WBP1L: variants seen among roughly 807,000 people sequenced by gnomAD.
WBP1L encodes the protein WW domain binding protein 1-like.
A neutral mutation model predicts 33.7 loss-of-function variants in WBP1L; 17 were observed. The observed-to-expected ratio is 0.50, with a 90% CI of 0.34 to 0.76. The LOEUF is 0.76. Among genes scored for constraint, WBP1L ranks in the 30% least tolerant of loss-of-function variants. WBP1L has a pLI of 0.01. For synonymous variants in WBP1L, 173 were observed against 190.8 expected (o/e 0.91, Z 0.77); for missense variants, 389 against 469.4 (o/e 0.83, Z 1.58).
chr10:102,804,867 G>A (rs963870060), intron 2 of WBP1L, among the ~76,000 whole-genome samples: 1 of 152,182 alleles, frequency 6.6e-6, no homozygotes, highest in African/African-American at 2.4e-5. Flanking sequence ...AGGGGGTCAG[G>A]AAGTTCAAGC....
chr10:102,795,545 A>G (rs1423642380), intron 1 of WBP1L, among the ~76,000 whole-genome samples: 1 of 152,234 alleles, frequency 6.6e-6, no homozygotes, highest in Non-Finnish European at 1.5e-5. Context: ...GCAGTAGGTC[A>G]TGAGGATGCC....
chr10:102,756,691 T>C (rs535348047), intron 1 of WBP1L, among the ~76,000 whole-genome samples: 2 of 152,202 alleles, frequency 1.3e-5, no homozygotes, highest in East Asian at 3.9e-4. Flanking sequence ...GATTGTGTGG[T>C]TATAGGGTAT....
intron 1 of WBP1L, among the ~76,000 whole-genome samples, chr10:102,787,815 C>G (rs1226631834): frequency 6.6e-6 from 1 of 151,904 alleles, no homozygotes; most frequent in East Asian, 2.0e-4. Context: ...CGGTGGCTCA[C>G]GCCTGTAATC....
chr10:102,795,283 T>C (rs1240938365), intron 1 of WBP1L, among the ~76,000 whole-genome samples: 1 of 152,250 alleles, frequency 6.6e-6, no homozygotes, highest in East Asian at 1.9e-4. Flanking sequence ...GTAGATTAAC[T>C]GTGTTAAATG....
chr10:102,749,473 T>TA (rs532742515), intron 1 of WBP1L, among the ~76,000 whole-genome samples: 3 of 151,302 alleles, frequency 2.0e-5, no homozygotes, highest in African/African-American at 4.9e-5. Flanking sequence ...TTCTCTCTAA[T>TA]AAAAAAAATT....
chr10:102,776,341 C>T (rs759467315), intron 1 of WBP1L: 83 of 1,613,914 alleles, frequency 5.1e-5, no homozygotes, highest in South Asian at 1.3e-4. Flanking sequence ...AAGACCTTAA[C>T]TTTTAAGAGC....
chr10:102,776,935 C>G (rs1265666804), intron 1 of WBP1L, among the ~76,000 whole-genome samples: 1 of 151,894 alleles, frequency 6.6e-6, no homozygotes, highest in African/African-American at 2.4e-5. Flanking sequence ...GGGACGTTCC[C>G]GACGCCTCAG....
intron 2 of WBP1L, among the ~76,000 whole-genome samples, chr10:102,802,300 C>T (rs1843669241): frequency 6.7e-6 from 1 of 150,176 alleles, no homozygotes; most frequent in African/African-American, 2.5e-5. Flanking sequence ...TGCCACCATG[C>T]CCATCTAATT....
At chr10:102,761,127 T>G (rs1358305282) in intron 1 of WBP1L, among the ~76,000 whole-genome samples, 1 of 146,980 alleles carries the variant, frequency 6.8e-6, no homozygotes, top group African/African-American at 2.5e-5. Flanking sequence ...GGCTGTTTTT[T>G]TTTTTTTTTT....
intron 1 of WBP1L, among the ~76,000 whole-genome samples, chr10:102,789,534 C>A (rs1388989704): frequency 6.6e-6 from 1 of 152,124 alleles, no homozygotes; most frequent in Non-Finnish European, 1.5e-5. Context: ...CTCAGAGTGG[C>A]CTTTCCTGAC....
intron 1 of WBP1L, among the ~76,000 whole-genome samples, chr10:102,775,132 A>G (rs2134041271): frequency 6.6e-6 from 1 of 151,632 alleles, no homozygotes; most frequent in African/African-American, 2.4e-5. Context: ...AAAAAAAAAA[A>G]AAAAAAAAAG....
chr10:102,771,024 A>G (rs1257280570), intron 1 of WBP1L, among the ~76,000 whole-genome samples: 2 of 152,196 alleles, frequency 1.3e-5, no homozygotes, highest in Admixed American at 6.5e-5. Context: ...TAACTGAGTA[A>G]TAGGGATGGT....
chr10:102,752,575 T>C (rs140349208), intron 1 of WBP1L, among the ~76,000 whole-genome samples: 20 of 152,296 alleles, frequency 1.3e-4, no homozygotes, highest in Non-Finnish European at 2.4e-4. Flanking sequence ...TTTGATCTGC[T>C]CTGTGGTTTT....
At chr10:102,779,089 G>A (rs1300915757) in intron 1 of WBP1L, among the ~76,000 whole-genome samples, 1 of 151,954 alleles carries the variant, frequency 6.6e-6, no homozygotes, top group Non-Finnish European at 1.5e-5. Context: ...ATGTCTGAGA[G>A]TAGAGTATGA....
chr10:102,763,346 C>T (rs1843067828), intron 1 of WBP1L, among the ~76,000 whole-genome samples: 1 of 151,936 alleles, frequency 6.6e-6, no homozygotes, highest in African/African-American at 2.4e-5. Flanking sequence ...AACTGTGTGA[C>T]TGTTCCGAGG....
At chr10:102,748,365 C>T (rs571362161) in intron 1 of WBP1L, among the ~76,000 whole-genome samples, 1 of 152,264 alleles carries the variant, frequency 6.6e-6, no homozygotes, top group South Asian at 2.1e-4. Context: ...TTGGTTCCCA[C>T]CTTACCTTTA....
chr10:102,758,978 G>A (rs1843008079), intron 1 of WBP1L, among the ~76,000 whole-genome samples: 1 of 152,202 alleles, frequency 6.6e-6, no homozygotes, highest in South Asian at 2.1e-4. Flanking sequence ...GAACTTCAAA[G>A]AGGAACCAGG....
At chr10:102,777,544 C>G (rs2134043032) in intron 1 of WBP1L, among the ~76,000 whole-genome samples, 1 of 151,504 alleles carries the variant, frequency 6.6e-6, no homozygotes, top group Non-Finnish European at 1.5e-5. Context: ...CCTTCTGCCC[C>G]CACAAGAAAG....
intron 1 of WBP1L, among the ~76,000 whole-genome samples, chr10:102,793,055 G>GT (rs1843525773): frequency 6.6e-6 from 1 of 152,106 alleles, no homozygotes; most frequent in African/African-American, 2.4e-5. Flanking sequence ...TTTTATCTGC[G>GT]TAAGTATTTT....
Sources: allele counts gnomAD v4.1 joint callset (sites outside exome capture counted in the v4.1 genomes callset), GRCh38; gene constraint gnomAD v4.1.1; transcripts MANE v1.5; gene names NCBI Gene and HGNC (gene_info 2026-07-23, HGNC 2026-07-21).